The following PADI3 variants were observed in gnomAD, a reference collection of about 807,000 sequenced individuals.
PADI3 encodes the protein protein-arginine deiminase type-3.
Under a neutral mutation model 71.5 loss-of-function variants are expected in PADI3, and 53 were observed. That is an observed-to-expected ratio of 0.74 (90% CI 0.59 to 0.93). The LOEUF is 0.93. Ranked by LOEUF, PADI3 falls within the 40% of genes least tolerant of loss-of-function variation. The pLI, the probability that PADI3 is intolerant of heterozygous loss-of-function variation, is 0.00. For missense variants in PADI3, 821 were observed against 868.0 expected (o/e 0.95, Z 0.68); for synonymous variants, 361 against 347.5 (o/e 1.04, Z -0.43).
chr1:17,274,892 C>A, intron 11 of PADI3, 106 bp downstream of exon 11: 2 of 1,178,700 alleles, frequency 1.7e-6, no homozygotes, highest in Non-Finnish European at 2.4e-6. Context: ...GAGCCAGAAG[C>A]AAGGAATGAT....
intron 1 of PADI3, among the ~76,000 whole-genome samples, chr1:17,252,993 A>T (rs79926823): frequency 6.6e-6 from 1 of 152,170 alleles, no homozygotes; most frequent in Admixed American, 6.5e-5. Flanking sequence ...ACGCCACTTC[A>T]TTTTTTAGTT....
chr1:17,276,470 T>A (rs368682827), intron 11 of PADI3, 49 bp from the exon 12 acceptor site: 1 of 1,599,248 alleles, frequency 6.3e-7, no homozygotes, highest in African/African-American at 1.3e-5. Context: ...TATTTCTGCA[T>A]GGAGTCTTTT....
intron 7 of PADI3, 26 bp downstream of exon 7, chr1:17,270,437 A>C (rs1211008380): frequency 6.3e-7 from 1 of 1,593,872 alleles, no homozygotes; most frequent in Non-Finnish European, 8.5e-7. Flanking sequence ...GTTCAAGAGG[A>C]GCTCCACTCG....
At chr1:17,275,436 C>CAAAAAAAAAAA (rs10617336) in intron 11 of PADI3, among the ~76,000 whole-genome samples, 2 of 89,466 alleles carry the variant, frequency 2.2e-5, no homozygotes, top group Non-Finnish European at 4.0e-5. Context: ...GACTCCGTCT[C>CAAAAAAAAAAA]AAAAAAAAAA....
In PADI3 at chr1:17,283,207, C is replaced by A; in HGVS notation, c.*128C>A. 1 of 699,258 alleles carries A rather than the reference C, an allele frequency of 1.4e-6. No homozygotes were observed. Among genetic ancestry groups the A allele is most frequent in the South Asian group, 1.8e-5 (1 of 54,142 alleles). The allele number at this position is 699,258 out of a possible 1,614,324, so 43.3% of individuals were successfully genotyped here. ...CTCCAGATGGAACACTGAGGGTGAC[C>A]GTCCCTCTCAGAAGCCTTTTCCCTG... On this transcript the variant is annotated 3_prime_UTR_variant, in exon 16 of 16. Coordinates refer to ENST00000375460, the MANE Select transcript of PADI3 (RefSeq NM_016233.2).
chr1:17,279,563 G>A (rs558561104), intron 13 of PADI3, among the ~76,000 whole-genome samples: 22 of 152,232 alleles, frequency 1.4e-4, no homozygotes, highest in East Asian at 3.9e-4. Flanking sequence ...GCGAGCCCTG[G>A]GCTTGGGTTT....
chr1:17,259,741 G>C lies in PADI3; in HGVS notation c.256G>C (p.Asp86His). 3 of 1,605,792 alleles carry C rather than the reference G, an allele frequency of 1.9e-6. No individual in the cohort carries two copies. Among genetic ancestry groups the C allele is most frequent in the Non-Finnish European group, 2.6e-6 (3 of 1,174,206 alleles). Residue 86 changes from aspartate (D) to histidine (H), a missense_variant, in exon 2 of 16, where the codon GAC becomes CAC. By Grantham distance (81) the Asp-to-His change is moderately conservative. Transcript: ENST00000375460. ...IIVVMNSPSN[D>H]LNDSHVQISY... is the part of the protein sequence containing the mutation. ...CGTGGTCATGAACTCCCCCAGCAATGACCTCAACGACAGCCATGTGAGCTG... is the reference window on the plus strand; with the variant it reads ...CGTGGTCATGAACTCCCCCAGCAATCACCTCAACGACAGCCATGTGAGCTG...
chr1:17,253,151 G>A (rs529365243), intron 1 of PADI3, among the ~76,000 whole-genome samples: 50 of 152,232 alleles, frequency 3.3e-4, no homozygotes, highest in Non-Finnish European at 6.5e-4. Flanking sequence ...CAGAGGTGCT[G>A]AGACTCGCCT....
intron 1 of PADI3, among the ~76,000 whole-genome samples, chr1:17,250,941 G>T (rs1288683133): frequency 3.3e-5 from 5 of 152,216 alleles, no homozygotes; most frequent in African/African-American, 1.2e-4. Flanking sequence ...CCACACTGGA[G>T]GTTTGCAGAG....
At chr1:17,260,051 G>T (rs1407931301) in intron 2 of PADI3, among the ~76,000 whole-genome samples, 1 of 152,174 alleles carries the variant, frequency 6.6e-6, no homozygotes, top group Non-Finnish European at 1.5e-5. Flanking sequence ...AGCCAGTGTT[G>T]CTCCTTCTCT....
At chr1:17,251,239 A>G (rs1232802227) in intron 1 of PADI3, among the ~76,000 whole-genome samples, 2 of 152,176 alleles carry the variant, frequency 1.3e-5, no homozygotes, top group East Asian at 3.9e-4. Flanking sequence ...GGTGCCACAG[A>G]AAGGACTCCT....
Position 17,276,586 on chromosome 1 carries a change from G to T in PADI3, c.1375G>T (p.Val459Leu). The change falls in exon 12 of 16, where the codon GTG becomes TTG. Residue 459 changes from valine to leucine, a missense_variant. Coordinates refer to ENST00000375460, the MANE Select transcript of PADI3 (RefSeq NM_016233.2). ...CCATGCCCAGAAGGTGCAGCCCCCC[G>T]TGGAGCTCTTTGTGGACTGGTTGGC... is the stretch of plus-strand genomic sequence containing the variant. ...FLHAQKVQPP[V>L]ELFVDWLAVG... The T allele has an allele frequency of 1.2e-6, 2 of 1,614,172 alleles. No homozygotes were observed. Among genetic ancestry groups the T allele is most frequent in the Non-Finnish European group, 1.7e-6 (2 of 1,180,030 alleles).
At chr1:17,252,895 G>T (rs933196281) in intron 1 of PADI3, among the ~76,000 whole-genome samples, 3 of 152,160 alleles carry the variant, frequency 2.0e-5, no homozygotes, top group African/African-American at 7.2e-5. Context: ...TGAGGGGCCC[G>T]CGAAGCTGGT....
At chr1:17,256,192 A>G (rs1266260554) in intron 1 of PADI3, among the ~76,000 whole-genome samples, 1 of 150,912 alleles carries the variant, frequency 6.6e-6, no homozygotes, top group East Asian at 2.0e-4. Context: ...TACTTTAATA[A>G]CTCCTTCCCT....
rs1192792347 is a variant in PADI3 at position 17,280,352 on chromosome 1, G to C, written c.1558G>C (p.Asp520His). Residue 520 changes from aspartate to histidine, a missense_variant and splice_region_variant, in exon 14 of 16, where the codon GAT becomes CAT. By Grantham distance (81) the Asp-to-His change is moderately conservative. Coordinates refer to ENST00000375460, the MANE Select transcript of PADI3 (RefSeq NM_016233.2). ...TCTTTCATCTCTCTCCTTCACAGAT[G>C]ATGAGCAGGTCAAGACCATCTCCAT... ...RALLFQGVVD[D>H]EQVKTISINQ... 2 of 1,612,792 alleles carry C rather than the reference G, an allele frequency of 1.2e-6. No individual in the cohort carries two copies. The highest frequency in any genetic ancestry group is 1.7e-6 in the Non-Finnish European group (2 of 1,178,744).
Position 17,265,593 on chromosome 1 carries a change from G to A in PADI3, c.347-66G>A, listed in dbSNP as rs1569893703. The A allele has an allele frequency of 2.8e-6, 4 of 1,428,274 alleles. No homozygotes were observed. In the East Asian group the frequency reaches 9.1e-5, roughly 32 times the overall value. 88.5% of individuals were successfully genotyped at this position (1,428,274 alleles called of 1,614,324 possible). A position where few individuals can be genotyped will look rare whatever the true frequency, so the allele number is the denominator to read the frequency against. On this transcript the variant is annotated intron_variant, in intron 3 of 15. Coordinates refer to ENST00000375460, the MANE Select transcript of PADI3 (RefSeq NM_016233.2). Reference sequence around the variant, plus strand: ...CTTTGCTCAGCCCCAGACAAGCCCTGAGATCAAGGCCTGCCCTGGGCTCCT... The same window carrying A: ...CTTTGCTCAGCCCCAGACAAGCCCTAAGATCAAGGCCTGCCCTGGGCTCCT...
intron 14 of PADI3, 100 bp downstream of exon 14, chr1:17,280,529 GC>G: frequency 6.7e-7 from 1 of 1,498,026 alleles, no homozygotes. Flanking sequence ...GTTCATGAAA[GC>G]TCAGGTTAGA....
intron 14 of PADI3, 109 bp from the exon 15 acceptor site, chr1:17,280,562 C>T: frequency 6.5e-7 from 1 of 1,540,764 alleles, no homozygotes; most frequent in Non-Finnish European, 9.0e-7. Flanking sequence ...CAGAGGGGTC[C>T]CAACACCCTC....
chr1:17,261,678 T>C (rs2073104973), intron 2 of PADI3, among the ~76,000 whole-genome samples: 1 of 152,238 alleles, frequency 6.6e-6, no homozygotes, highest in Non-Finnish European at 1.5e-5. Flanking sequence ...CCTTTTCCCA[T>C]TTTGCAGAGG....
Sources: gnomAD v4.1 joint callset for allele counts (sites outside exome capture counted in the v4.1 genomes callset) on GRCh38, gnomAD v4.1.1 for gene constraint, MANE v1.5 for transcripts, NCBI Gene and HGNC (gene_info 2026-07-23, HGNC 2026-07-21) for gene names.